Variants in DDAH1 observed in about 807,000 individuals in gnomAD.
DDAH1 encodes N(G),N(G)-dimethylarginine dimethylaminohydrolase 1.
A neutral mutation model predicts 28.8 loss-of-function variants in DDAH1; 19 were observed. The observed-to-expected ratio is 0.66, with a 90% CI of 0.46 to 0.97. The LOEUF (loss-of-function observed/expected upper bound fraction) is 0.97. Ranked by LOEUF, DDAH1 falls within the 50% of genes least tolerant of loss-of-function variation. The probability of loss-of-function intolerance (pLI) is 0.00; values close to 1 mark genes in which losing one functional copy is unlikely to be tolerated. For synonymous variants in DDAH1, 153 were observed against 154.4 expected, an observed-to-expected ratio of 0.99 and a Z score of 0.07; for missense variants, 326 against 375.9, an observed-to-expected ratio of 0.87 and a Z score of 1.10.
At chr1:85,381,111 G>C (rs556009863) in intron 1 of DDAH1, among the ~76,000 whole-genome samples, 1 of 151,372 alleles carries the variant, frequency 6.6e-6, no homozygotes, top group South Asian at 2.1e-4. Context: ...GGTGGTGGGC[G>C]CCTGTAATCC....
chr1:85,523,711 A>C (rs1407217218), intron 1 of DDAH1, among the ~76,000 whole-genome samples: 3 of 152,222 alleles, frequency 2.0e-5, no homozygotes, highest in Non-Finnish European at 4.4e-5. Flanking sequence ...GCAAATGCCC[A>C]AAAAGTATCA....
intron 1 of DDAH1, among the ~76,000 whole-genome samples, chr1:85,510,590 G>A (rs537902041): frequency 2.0e-5 from 3 of 152,300 alleles, no homozygotes; most frequent in South Asian, 4.1e-4. Context: ...TCAGGGTGCT[G>A]TATTCAGGAG....
chr1:85,366,446 C>T (rs1429011189), intron 1 of DDAH1, among the ~76,000 whole-genome samples: 2 of 152,028 alleles, frequency 1.3e-5, no homozygotes, highest in Non-Finnish European at 2.9e-5. Flanking sequence ...CTAGTGGAAA[C>T]TGCTAAAAAT....
chr1:85,441,301 G>A (rs945859789), intron 1 of DDAH1, among the ~76,000 whole-genome samples: 6 of 152,262 alleles, frequency 3.9e-5, no homozygotes, highest in Non-Finnish European at 2.9e-5. Flanking sequence ...CCAGCACTTC[G>A]GGAGGACAAG....
intron 2 of DDAH1, 135 bp from the exon 3 acceptor site, chr1:85,351,714 T>G (rs920854377): frequency 1.7e-4 from 104 of 628,928 alleles, no homozygotes; most frequent in African/African-American, 1.5e-3. Context: ...CTAAAGAGAC[T>G]ACAAAAAATG....
intron 1 of DDAH1, among the ~76,000 whole-genome samples, chr1:85,365,341 A>G (rs233048): frequency 0.011 from 1,653 of 152,326 alleles, 30 homozygotes; most frequent in African/African-American, 0.038. Context: ...TATGTTCACT[A>G]TTATTTATTT....
chr1:85,411,335 A>AG (rs1344904713), intron 1 of DDAH1, among the ~76,000 whole-genome samples: 15 of 152,210 alleles, frequency 9.9e-5, no homozygotes, highest in African/African-American at 3.6e-4. Context: ...ACAAACGACA[A>AG]GTGTTAAGGT....
At chr1:85,324,272 A>AAAATAATAATAATAAT (rs142607842) in intron 5 of DDAH1, among the ~76,000 whole-genome samples, 2 of 142,258 alleles carry the variant, frequency 1.4e-5, no homozygotes, top group South Asian at 4.5e-4. Flanking sequence ...CCTGTCTCAA[A>AAAATAATAATAATAAT]AATAATAATA....
At chr1:85,492,214 C>A (rs1034928149) in intron 2 of DDAH1, among the ~76,000 whole-genome samples, 2 of 152,062 alleles carry the variant, frequency 1.3e-5, no homozygotes, top group Non-Finnish European at 2.9e-5. Flanking sequence ...ATTCAAAAAG[C>A]TTTTGTGTGT....
At chr1:85,378,948 A>G (rs1281987114) in intron 1 of DDAH1, among the ~76,000 whole-genome samples, 1 of 152,186 alleles carries the variant, frequency 6.6e-6, no homozygotes, top group Non-Finnish European at 1.5e-5. Flanking sequence ...GGCAAATTTC[A>G]AAAAGCTTTT....
intron 4 of DDAH1, among the ~76,000 whole-genome samples, chr1:85,337,329 G>C (rs962477367): frequency 9.2e-5 from 14 of 152,106 alleles, no homozygotes; most frequent in African/African-American, 3.4e-4. Flanking sequence ...AGTGCATCTC[G>C]TAAAAAATTC....
rs534292422 is a variant in DDAH1, at chr1:85,453,936, GGGTTAAA to G, written c.303+10800_303+10806del. On this transcript the variant is annotated intron_variant, in intron 1 of 5. Transcript: ENST00000284031. ...ACATTCTGTATTTGAACACATGCTG[GGGTTAAA>G]GTAAGTGTGCTGAGTTTCGGTCCCT... 2.1e-3 allele frequency among the ~76,000 whole-genome samples: 322 copies of G among 152,232 alleles called. 1 individual carries two copies. Among genetic ancestry groups the G allele is most frequent in the Admixed American group, 6.7e-3 (102 of 15,288 alleles).
At chr1:85,545,468 T>C (rs891313661) in intron 1 of DDAH1, among the ~76,000 whole-genome samples, 4 of 152,156 alleles carry the variant, frequency 2.6e-5, no homozygotes, top group Admixed American at 2.6e-4. Context: ...GAAATGGCAA[T>C]AAGCTATTAA....
In DDAH1 at chr1:85,483,939, C is replaced by T. The variant is rs1469099506; in HGVS notation, c.-7+12227G>A. ...CTCCAGGAGTGAAAGTTCTCTAATG[C>T]TATGTCTTAAAGACATGGTGCCTAA... On this transcript the variant is annotated intron_variant, in intron 2 of 6. Coordinates refer to the DDAH1 transcript ENST00000426972. 2.0e-5 allele frequency among the ~76,000 whole-genome samples: 3 copies of T among 152,300 alleles called. No individual in the cohort carries two copies. In the East Asian group the frequency reaches 5.8e-4, roughly 29 times the overall value.
chr1:85,530,279 AATC>A (rs1439083961), intron 1 of DDAH1, among the ~76,000 whole-genome samples: 4 of 152,202 alleles, frequency 2.6e-5, no homozygotes, highest in Non-Finnish European at 4.4e-5. Flanking sequence ...CCCATATACT[AATC>A]ATCCTCCTTC....
chr1:85,469,970 T>C (rs1223572660), upstream of DDAH1, among the ~76,000 whole-genome samples: 1 of 152,208 alleles, frequency 6.6e-6, no homozygotes, highest in African/African-American at 2.4e-5. Flanking sequence ...AGGGGCAAGT[T>C]TTCTTTTCCA....
intron 1 of DDAH1, among the ~76,000 whole-genome samples, chr1:85,453,619 T>C (rs1426927951): frequency 2.6e-5 from 4 of 152,238 alleles, no homozygotes; most frequent in African/African-American, 9.6e-5. Context: ...CAATCCCAGA[T>C]TGACCCATTA....
intron 4 of DDAH1, among the ~76,000 whole-genome samples, chr1:85,341,586 C>T (rs1024589403): frequency 2.6e-5 from 4 of 152,022 alleles, no homozygotes; most frequent in African/African-American, 4.8e-5. Context: ...GAGGCCGAGG[C>T]GGTGGATCAC....
chr1:85,402,925 AAC>A (rs1476756306), intron 1 of DDAH1, among the ~76,000 whole-genome samples: 5 of 149,724 alleles, frequency 3.3e-5, no homozygotes, highest in Admixed American at 6.6e-5. Flanking sequence ...AAAAAAAAAA[AAC>A]TTCTGACAAT....
Sources: allele counts gnomAD v4.1 joint callset (sites outside exome capture counted in the v4.1 genomes callset), GRCh38; gene constraint gnomAD v4.1.1; transcripts MANE v1.5; gene names NCBI Gene and HGNC (gene_info 2026-07-23, HGNC 2026-07-21).